Variants in ASB15 observed in about 807,000 individuals in gnomAD.
ASB15 encodes the protein ankyrin repeat and SOCS box protein 15.
In ASB15, 54 loss-of-function variants were observed where a neutral mutation model predicts 58.0. The ratio of observed to expected loss-of-function variants is 0.93; its 90% confidence interval spans 0.75 to 1.17. The LOEUF is 1.17. Ranked by LOEUF, ASB15 falls within the 50% of genes most tolerant of loss-of-function variation. The pLI is 0.00. For missense variants in ASB15, 680 were observed against 707.4 expected, an observed-to-expected ratio of 0.96 and a Z score of 0.44; for synonymous variants, 249 against 262.4, an observed-to-expected ratio of 0.95 and a Z score of 0.50.
chr7:123,571,055 C>T (rs1391055432), intron 1 of ASB15, among the ~76,000 whole-genome samples: 1 of 152,158 alleles, frequency 6.6e-6, no homozygotes, highest in Admixed American at 6.5e-5. Context: ...AGTCTGCGTT[C>T]CAGGTCATTT....
chr7:123,602,513 A>G (rs1271872749), intron 1 of ASB15, among the ~76,000 whole-genome samples: 7 of 152,114 alleles, frequency 4.6e-5, no homozygotes, highest in Non-Finnish European at 8.8e-5. Flanking sequence ...ACTTCTAAGG[A>G]GCTTTCTATA....
intron 7 of ASB15, among the ~76,000 whole-genome samples, chr7:123,618,414 C>T (rs750155894): frequency 2.9e-4 from 44 of 152,152 alleles, no homozygotes; most frequent in Admixed American, 9.2e-4. Context: ...GGTGTTGGCA[C>T]GTGAGATCAC....
rs1236434378 is a variant in ASB15, at chr7:123,627,275, A to G, written c.863A>G (p.His288Arg). ...LPIHRAAYEGHYLALKYLIPV... is the reference protein window; with the variant it reads ...LPIHRAAYEGRYLALKYLIPV... ...ATACACCGAGCTGCCTATGAGGGGC[A>G]TTATCTGTGAGTGATAAATTATAGG... The change falls in exon 9 of 12, where the codon CAT (histidine) becomes CGT (arginine). Residue 288 changes from histidine to arginine, a missense_variant. Coordinates refer to ENST00000451215, the MANE Select transcript of ASB15 (RefSeq NM_001290258.2). 5 of 1,611,422 alleles carry G rather than the reference A, an allele frequency of 3.1e-6. No individual in the cohort carries two copies. In the South Asian group the frequency reaches 3.3e-5, roughly 11 times the overall value.
At chr7:123,614,444 A>G (rs1026765497) in intron 3 of ASB15, 57 bp from the exon 4 acceptor site, 40 of 1,039,546 alleles carry the variant, frequency 3.8e-5, no homozygotes, top group Middle Eastern at 4.7e-4. Flanking sequence ...TACTCTATGT[A>G]CTGTTTTGGG....
intron 7 of ASB15, among the ~76,000 whole-genome samples, chr7:123,619,696 TG>T (rs1297261239): frequency 7.2e-5 from 11 of 152,142 alleles, no homozygotes; most frequent in Admixed American, 1.3e-4. Flanking sequence ...GCTAATGTTT[TG>T]TATTTTTAGT....
At position 123,624,724 on chromosome 7, in the gene ASB15, G is replaced by A; in HGVS notation, c.607G>A (p.Val203Ile). The change falls in exon 8 of 12, where the codon GTC becomes ATC. Residue 203 changes from valine (V) to isoleucine (I), a missense_variant. Coordinates refer to ENST00000451215, the MANE Select transcript of ASB15 (RefSeq NM_001290258.2). ...TCTGCTGCTGAAACATGGAGGCAAT[G>A]TCCACCTGAGAGATGGATTTGGAGT... is the stretch of plus-strand genomic sequence containing the variant. ...VALLLKHGGN[V>I]HLRDGFGVTP... is the part of the protein sequence containing the mutation. The A allele has an allele frequency of 6.2e-7, 1 of 1,614,178 alleles. No homozygotes were observed. Among genetic ancestry groups the A allele is most frequent in the Admixed American group, 1.7e-5 (1 of 60,022 alleles).
rs1255505798 is a variant in ASB15 at position 123,628,895 on chromosome 7, A to G, written c.901A>G (p.Lys301Glu). Reference sequence around the variant, plus strand: ...GAAATATCTTATCCCAGTAACATCTAAAAATGCAATTCGGAAAAGTGGGCT... The same window carrying G: ...GAAATATCTTATCCCAGTAACATCTGAAAATGCAATTCGGAAAAGTGGGCT... ...ALKYLIPVTS[K>E]NAIRKSGLTP... The change falls in exon 10 of 12, where the codon AAA becomes GAA. Residue 301 changes from lysine to glutamate, a missense_variant. Lys to Glu is a moderately conservative substitution (Grantham distance 56). Transcript: ENST00000451215. 1.3e-6 allele frequency: 2 copies of G among 1,563,506 alleles called. No individual in the cohort carries two copies. Among genetic ancestry groups the G allele is most frequent in the Non-Finnish European group, 1.7e-6 (2 of 1,156,338 alleles).
intron 1 of ASB15, among the ~76,000 whole-genome samples, chr7:123,571,883 G>A (rs1798916446): frequency 6.6e-6 from 1 of 152,028 alleles, no homozygotes; most frequent in South Asian, 2.1e-4. Flanking sequence ...TCCTGTTTCA[G>A]CCTCCTGAGT....
upstream of ASB15, among the ~76,000 whole-genome samples, chr7:123,601,367 A>T (rs1799875381): frequency 6.6e-6 from 1 of 152,178 alleles, no homozygotes; most frequent in Non-Finnish European, 1.5e-5. Flanking sequence ...TGTATATCAG[A>T]CTAGCAATTA....
At chr7:123,620,497 CATATACATACATATATATATAT>C (rs1801167276) in intron 7 of ASB15, among the ~76,000 whole-genome samples, 3 of 66,248 alleles carry the variant, frequency 4.5e-5, no homozygotes, top group Admixed American at 2.5e-4. Flanking sequence ...TAATGTGACA[CATATACATACATATATATATAT>C]ATATATATAT....
intron 3 of ASB15, among the ~76,000 whole-genome samples, chr7:123,613,163 A>C (rs991104766): frequency 6.6e-6 from 1 of 152,158 alleles, no homozygotes; most frequent in African/African-American, 2.4e-5. Context: ...GTTCATGCGC[A>C]GTCTGTCCAC....
chr7:123,631,068 G>C (rs2116662395), intron 11 of ASB15, among the ~76,000 whole-genome samples: 1 of 152,232 alleles, frequency 6.6e-6, no homozygotes, highest in South Asian at 2.1e-4. Context: ...TGTAATTCAG[G>C]ACTGATGTTT....
At chr7:123,592,816 G>A (rs1251187278) in intron 1 of ASB15, among the ~76,000 whole-genome samples, 1 of 151,810 alleles carries the variant, frequency 6.6e-6, no homozygotes, top group Non-Finnish European at 1.5e-5. Flanking sequence ...TTCAAGTCCT[G>A]GATATCCTTG....
chr7:123,629,400 C>T lies in ASB15; in HGVS notation c.1406C>T (p.Pro469Leu). Residue 469 changes from proline (P) to leucine (L), a missense_variant, in exon 10 of 12, where the codon CCA (proline) becomes CTA (leucine). Coordinates refer to ENST00000451215, the MANE Select transcript of ASB15 (RefSeq NM_001290258.2). ...VWSEIQEEVL[P>L]GWTSCVIKDN... is the part of the protein sequence containing the mutation. ...TCAGAGATACAGGAAGAGGTGCTGCCAGGATGGACATCTTGTGTAATAAAA... is the reference window on the plus strand; with the variant it reads ...TCAGAGATACAGGAAGAGGTGCTGCTAGGATGGACATCTTGTGTAATAAAA... The T allele has an allele frequency of 7.4e-6, 12 of 1,612,208 alleles. No homozygotes were observed. The highest frequency in any genetic ancestry group is 1.3e-5 in the African/African-American group (1 of 74,982).
intron 7 of ASB15, among the ~76,000 whole-genome samples, chr7:123,619,821 C>T (rs928222906): frequency 1.3e-5 from 2 of 152,158 alleles, no homozygotes; most frequent in Non-Finnish European, 2.9e-5. Flanking sequence ...CCGCTCCTGG[C>T]CCCTTCTTGC....
At chr7:123,616,639 G>A in intron 6 of ASB15, 144 bp downstream of exon 6, 1 of 1,049,872 alleles carries the variant, frequency 9.5e-7, no homozygotes, top group South Asian at 1.7e-5. Flanking sequence ...CAGCACCCAT[G>A]TTTTAAACTC....
chr7:123,576,597 A>T (rs1799071583), intron 1 of ASB15, among the ~76,000 whole-genome samples: 1 of 152,092 alleles, frequency 6.6e-6, no homozygotes, highest in South Asian at 2.1e-4. Flanking sequence ...CATCTATGGG[A>T]TTCTCTGTGT....
chr7:123,592,393 A>G (rs992288233), intron 1 of ASB15, among the ~76,000 whole-genome samples: 2 of 152,050 alleles, frequency 1.3e-5, no homozygotes, highest in African/African-American at 4.8e-5. Flanking sequence ...ATTATTTTAG[A>G]TCTTTCCTGC....
intron 1 of ASB15, among the ~76,000 whole-genome samples, chr7:123,583,804 G>T (rs1182635398): frequency 1.3e-5 from 2 of 151,856 alleles, no homozygotes; most frequent in African/African-American, 2.4e-5. Context: ...GGACAAGATG[G>T]AAAACCAGGA....
Sources: gnomAD v4.1 joint callset for allele counts (sites outside exome capture counted in the v4.1 genomes callset) on GRCh38, gnomAD v4.1.1 for gene constraint, MANE v1.5 for transcripts, NCBI Gene and HGNC (gene_info 2026-07-23, HGNC 2026-07-21) for gene names.